EXOC4: variants seen among roughly 807,000 people sequenced by gnomAD.
The protein encoded by EXOC4 is SEC8-like 1.
Under a neutral mutation model 107.2 loss-of-function variants are expected in EXOC4, and 71 were observed. The ratio of observed to expected loss-of-function variants is 0.66; its 90% CI spans 0.55 to 0.81. EXOC4 has a LOEUF of 0.81. Among genes scored for constraint, EXOC4 ranks in the 30% least tolerant of loss-of-function variants. The pLI is 0.00. For missense variants in EXOC4, 1,108 were observed against 1,189.6 expected (o/e 0.93, Z 1.01); for synonymous variants, 456 against 441.2 (o/e 1.03, Z -0.42).
intron 11 of EXOC4, among the ~76,000 whole-genome samples, chr7:133,839,707 A>C (rs894588188): frequency 1.3e-5 from 2 of 152,226 alleles, no homozygotes; most frequent in African/African-American, 2.4e-5. Flanking sequence ...GAATATTAAA[A>C]TCCAGAACCT....
intron 11 of EXOC4, among the ~76,000 whole-genome samples, chr7:133,877,072 C>T (rs552224946): frequency 6.3e-4 from 96 of 151,826 alleles, no homozygotes; most frequent in Admixed American, 1.0e-3. Flanking sequence ...TTTCGCAGTT[C>T]GCTGACTCTC....
intron 10 of EXOC4, among the ~76,000 whole-genome samples, chr7:133,757,400 T>C (rs763841515): frequency 1.1e-4 from 16 of 152,232 alleles, no homozygotes; most frequent in Non-Finnish European, 2.1e-4. Context: ...TTTTGATGTT[T>C]AAAGGAGTGT....
intron 5 of EXOC4, among the ~76,000 whole-genome samples, chr7:133,355,582 G>C (rs1264376980): frequency 6.6e-6 from 1 of 152,006 alleles, no homozygotes; most frequent in Non-Finnish European, 1.5e-5. Context: ...TAAAGTTTTG[G>C]TTATTTCTTC....
intron 7 of EXOC4, among the ~76,000 whole-genome samples, chr7:133,400,662 C>T (rs962249001): frequency 2.6e-5 from 4 of 152,140 alleles, no homozygotes; most frequent in Non-Finnish European, 5.9e-5. Context: ...TGAAGAAGTA[C>T]TTTTGACTTT....
chr7:133,485,100 A>G, intron 9 of EXOC4, among the ~76,000 whole-genome samples: 1 of 146,334 alleles, frequency 6.8e-6, no homozygotes, highest in Admixed American at 7.0e-5. Flanking sequence ...TAAATAAATA[A>G]ATAAATAAAT....
intron 10 of EXOC4, among the ~76,000 whole-genome samples, chr7:133,749,131 AC>A (rs1241994415): frequency 1.3e-5 from 2 of 152,190 alleles, no homozygotes. Context: ...CATATAACTC[AC>A]TATTAGTAAT....
chr7:133,875,554 TG>T (rs1178993890), intron 11 of EXOC4, among the ~76,000 whole-genome samples: 2 of 152,208 alleles, frequency 1.3e-5, no homozygotes, highest in Non-Finnish European at 2.9e-5. Flanking sequence ...TGGAGTGGCC[TG>T]TGCTTCCCGA....
At chr7:133,456,887 C>CT (rs1303313570) in intron 7 of EXOC4, among the ~76,000 whole-genome samples, 15 of 152,140 alleles carry the variant, frequency 9.9e-5, no homozygotes, top group Admixed American at 8.5e-4. Flanking sequence ...ACAGATAACA[C>CT]TTCAGGATAA....
intron 17 of EXOC4, among the ~76,000 whole-genome samples, chr7:134,015,246 A>G (rs768656334): frequency 2.0e-5 from 3 of 152,192 alleles, no homozygotes; most frequent in Non-Finnish European, 4.4e-5. Context: ...ATGATTTTAA[A>G]AAGCGTATAT....
chr7:133,524,653 A>G (rs184261914), intron 9 of EXOC4, among the ~76,000 whole-genome samples: 2 of 151,978 alleles, frequency 1.3e-5, no homozygotes, highest in African/African-American at 4.8e-5. Context: ...TCAGCTTTCT[A>G]CATATGGCTA....
chr7:133,502,184 G>A (rs553839448), intron 9 of EXOC4, among the ~76,000 whole-genome samples: 3 of 152,140 alleles, frequency 2.0e-5, no homozygotes, highest in Non-Finnish European at 4.4e-5. Flanking sequence ...AAAGAAAAAA[G>A]AGTCGTTTGA....
intron 17 of EXOC4, among the ~76,000 whole-genome samples, chr7:134,018,069 A>G (rs1036356426): frequency 5.3e-5 from 8 of 152,184 alleles, no homozygotes; most frequent in Non-Finnish European, 1.2e-4. Context: ...CCTGCTGTTT[A>G]TATATTCTGC....
intron 12 of EXOC4, among the ~76,000 whole-genome samples, chr7:133,897,081 C>T (rs1298926571): frequency 6.7e-6 from 1 of 148,996 alleles, no homozygotes; most frequent in East Asian, 1.9e-4. Context: ...AAAAAGGGGT[C>T]ATAAAAAAAT....
At chr7:133,701,058 T>C (rs2151086808) in intron 10 of EXOC4, among the ~76,000 whole-genome samples, 1 of 152,258 alleles carries the variant, frequency 6.6e-6, no homozygotes, top group Non-Finnish European at 1.5e-5. Flanking sequence ...AATAAAAATA[T>C]AGATACGTAT....
intron 11 of EXOC4, among the ~76,000 whole-genome samples, chr7:133,871,860 G>A (rs187639314): frequency 4.3e-4 from 66 of 152,292 alleles, no homozygotes; most frequent in Non-Finnish European, 8.8e-4. Context: ...TAGTTATGAG[G>A]ACCAAATGAG....
chr7:133,564,200 C>A (rs1057059663), intron 9 of EXOC4, among the ~76,000 whole-genome samples: 1 of 152,152 alleles, frequency 6.6e-6, no homozygotes, highest in Non-Finnish European at 1.5e-5. Context: ...ATAGCAGCTT[C>A]TGCTTCTGGG....
At chr7:134,088,314 AC>A in the EXOC4 span, among the ~76,000 whole-genome samples, 37 of 152,216 alleles carry the variant, frequency 2.4e-4, no homozygotes, top group Non-Finnish European at 4.7e-4. Flanking sequence ...TATGCAAATA[AC>A]TATATTGCCA....
chr7:133,886,790 A>G (rs1019121387), intron 11 of EXOC4, among the ~76,000 whole-genome samples: 4 of 152,254 alleles, frequency 2.6e-5, no homozygotes, highest in African/African-American at 9.6e-5. Context: ...ATAAATAAAA[A>G]CAGGATTGAC....
At chr7:134,034,316 A>C (rs899855146) in intron 17 of EXOC4, among the ~76,000 whole-genome samples, 1 of 152,240 alleles carries the variant, frequency 6.6e-6, no homozygotes. Context: ...AAAAGCAACT[A>C]TACAGGAAAT....
Sources: allele counts gnomAD v4.1 joint callset (sites outside exome capture counted in the v4.1 genomes callset), GRCh38; gene constraint gnomAD v4.1.1; transcripts MANE v1.5; gene names NCBI Gene and HGNC (gene_info 2026-07-23, HGNC 2026-07-21).